TRAPPC9: variants seen among roughly 807,000 people sequenced by gnomAD.
TRAPPC9 encodes IKK2 binding protein.
A neutral mutation model predicts 124.0 loss-of-function variants in TRAPPC9; 83 were observed. That is an observed-to-expected ratio of 0.67 (90% CI 0.56 to 0.80). The LOEUF is 0.80. Among genes scored for constraint, TRAPPC9 ranks in the 30% least tolerant of loss-of-function variants. TRAPPC9 has a pLI of 0.00. For missense variants in TRAPPC9, 1,302 were observed against 1,508.3 expected, an observed-to-expected ratio of 0.86 and a Z score of 2.27; for synonymous variants, 638 against 617.5, an observed-to-expected ratio of 1.03 and a Z score of -0.49.
At chr8:140,042,203 GTA>G (rs1290862718) in intron 17 of TRAPPC9, among the ~76,000 whole-genome samples, 5 of 72,340 alleles carry the variant, frequency 6.9e-5, no homozygotes, top group African/African-American at 1.4e-4. Flanking sequence ...CCAAAAAAGT[GTA>G]TGTGTGTGTG....
intron 14 of TRAPPC9, 91 bp downstream of exon 14, chr8:140,283,798 C>T: frequency 1.4e-6 from 2 of 1,384,570 alleles, no homozygotes; most frequent in Non-Finnish European, 2.0e-6. Context: ...ATAAGAATTA[C>T]AGGCTCTTTG....
chr8:139,982,821 C>T (rs1837000449), intron 19 of TRAPPC9, among the ~76,000 whole-genome samples: 1 of 152,124 alleles, frequency 6.6e-6, no homozygotes, highest in Non-Finnish European at 1.5e-5. Context: ...AGTGGCATTG[C>T]TAATTTCTAA....
chr8:140,166,458 G>C (rs911342614), intron 17 of TRAPPC9, among the ~76,000 whole-genome samples: 2 of 152,226 alleles, frequency 1.3e-5, no homozygotes, highest in Non-Finnish European at 2.9e-5. Context: ...CCTCCAGGGA[G>C]CTCAAGCTCC....
intron 16 of TRAPPC9, among the ~76,000 whole-genome samples, chr8:140,251,291 A>T (rs894089365): frequency 3.9e-5 from 6 of 152,210 alleles, no homozygotes; most frequent in Non-Finnish European, 7.3e-5. Flanking sequence ...TGGGAAGAAG[A>T]AGTCAGAACC....
chr8:140,208,426 TG>T (rs2062979098), intron 17 of TRAPPC9, among the ~76,000 whole-genome samples: 1 of 152,300 alleles, frequency 6.6e-6, no homozygotes, highest in South Asian at 2.1e-4. Context: ...CGGCAGCACC[TG>T]GGGGCTTATT....
At chr8:139,782,671 C>T (rs1318311232) in intron 21 of TRAPPC9, among the ~76,000 whole-genome samples, 1 of 152,134 alleles carries the variant, frequency 6.6e-6, no homozygotes, top group Non-Finnish European at 1.5e-5. Flanking sequence ...GAAAATCAGC[C>T]AGGGCATAAA....
chr8:139,828,238 C>T (rs1394797113), intron 21 of TRAPPC9, among the ~76,000 whole-genome samples: 5 of 152,240 alleles, frequency 3.3e-5, no homozygotes, highest in Non-Finnish European at 5.9e-5. Context: ...CTGAGGGTCA[C>T]ACTGTACCTG....
chr8:140,255,598 G>A (rs1266724142), intron 15 of TRAPPC9, among the ~76,000 whole-genome samples: 1 of 152,204 alleles, frequency 6.6e-6, no homozygotes. Context: ...ATTTCGAGAA[G>A]CTGTGGACCG....
chr8:140,139,807 G>A (rs2061356633), intron 17 of TRAPPC9, among the ~76,000 whole-genome samples: 1 of 152,122 alleles, frequency 6.6e-6, no homozygotes, highest in Admixed American at 6.5e-5. Flanking sequence ...GAGAGCTGCT[G>A]ATGTCGCATT....
chr8:139,958,600 C>A (rs1033008882), intron 19 of TRAPPC9, among the ~76,000 whole-genome samples: 5 of 152,234 alleles, frequency 3.3e-5, no homozygotes, highest in African/African-American at 1.2e-4. Flanking sequence ...AAGAGACCCA[C>A]GCTCTTCTGC....
chr8:140,410,658 A>G (rs2069673437), intron 5 of TRAPPC9, among the ~76,000 whole-genome samples: 2 of 152,164 alleles, frequency 1.3e-5, no homozygotes, highest in South Asian at 2.1e-4. Context: ...CCTGGCTAAC[A>G]TGGTGAAACT....
intron 17 of TRAPPC9, among the ~76,000 whole-genome samples, chr8:140,078,805 C>T (rs540732088): frequency 2.0e-5 from 3 of 152,234 alleles, no homozygotes; most frequent in South Asian, 2.1e-4. Flanking sequence ...TCCCTGCCCC[C>T]AGTCACCACC....
At chr8:139,872,266 G>A in intron 21 of TRAPPC9, among the ~76,000 whole-genome samples, 2 of 151,218 alleles carry the variant, frequency 1.3e-5, no homozygotes, top group African/African-American at 2.4e-5. Flanking sequence ...ATGAGTGGAT[G>A]GATGGATGGA....
intron 17 of TRAPPC9, among the ~76,000 whole-genome samples, chr8:140,174,267 T>C (rs1317780242): frequency 6.6e-6 from 1 of 152,088 alleles, no homozygotes; most frequent in Non-Finnish European, 1.5e-5. Context: ...ATATGACTAA[T>C]GGACACTGGG....
At chr8:139,773,527 T>C (rs959693209) in intron 21 of TRAPPC9, among the ~76,000 whole-genome samples, 58 of 152,120 alleles carry the variant, frequency 3.8e-4, no homozygotes, top group Admixed American at 7.2e-4. Context: ...TCAGAGGTCG[T>C]TGGGACAGCT....
At position 140,329,497 on chromosome 8, in the gene TRAPPC9, C is replaced by T. The variant is rs7011979; in HGVS notation, c.1496-18123G>A. ...GTCAAGTGCTGCATTAGAGGCTCAC[C>T]TGCATTGCCTTACTTAATATTTACA... On this transcript the variant is annotated intron_variant, in intron 9 of 22. Coordinates refer to ENST00000438773, the MANE Select transcript of TRAPPC9 (RefSeq NM_001160372.4). 8.0e-3 allele frequency among the ~76,000 whole-genome samples: 1,213 copies of T among 152,288 alleles called. 12 individuals are homozygous for T. Among genetic ancestry groups the T allele is most frequent in the African/African-American group, 0.028 (1,174 of 41,550 alleles).
At chr8:139,989,384 C>A (rs1837481565) in intron 18 of TRAPPC9, among the ~76,000 whole-genome samples, 1 of 152,218 alleles carries the variant, frequency 6.6e-6, no homozygotes, top group African/African-American at 2.4e-5. Flanking sequence ...ACTGCGGGGT[C>A]TACTCATCAC....
In TRAPPC9 at chr8:140,451,131, G is replaced by C. The variant is rs1257513674; in HGVS notation, c.243C>G (p.Ile81Met). 1 of 1,614,132 alleles carries C rather than the reference G, an allele frequency of 6.2e-7. No individual in the cohort carries two copies. The highest frequency in any genetic ancestry group is 8.5e-7 in the Non-Finnish European group (1 of 1,180,002). Reference sequence around the variant, plus strand: ...TGGCCGAGAAGCAGTCTGTGATGGTGATGAGGCCCACGACTTTGCGGTGGG... The same window carrying C: ...TGGCCGAGAAGCAGTCTGTGATGGTCATGAGGCCCACGACTTTGCGGTGGG... Reference protein sequence around the residue: ...FQTHRKVVGLITITDCFSAKD... With the variant: ...FQTHRKVVGLMTITDCFSAKD... Residue 81 changes from isoleucine (I) to methionine (M), a missense_variant, in exon 2 of 23, where the codon ATC (isoleucine) becomes ATG (methionine). By Grantham distance (10) the Ile-to-Met change is conservative (BLOSUM62 1). This residue lies in a region of TRAPPC9 where 657 missense variants were observed against 811.2 expected (regional missense o/e 0.81). Coordinates refer to ENST00000438773, the MANE Select transcript of TRAPPC9 (RefSeq NM_001160372.4).
chr8:139,939,215 A>G (rs1231229018), intron 19 of TRAPPC9, among the ~76,000 whole-genome samples: 1 of 152,202 alleles, frequency 6.6e-6, no homozygotes, highest in African/African-American at 2.4e-5. Flanking sequence ...GAATGGGTGA[A>G]AGCCCAGAGT....
Sources: allele counts gnomAD v4.1 joint callset (sites outside exome capture counted in the v4.1 genomes callset), GRCh38; gene constraint gnomAD v4.1.1; regional missense constraint gnomAD v4.1.1; transcripts MANE v1.5; gene names NCBI Gene and HGNC (gene_info 2026-07-23, HGNC 2026-07-21).